The following DCAF11 variants were observed in gnomAD, a reference collection of about 807,000 sequenced individuals.
DCAF11 encodes the protein DDB1 and CUL4 associated factor 11.
Under a neutral mutation model 76.1 loss-of-function variants are expected in DCAF11, and 44 were observed. The observed-to-expected ratio is 0.58, with a 90% CI of 0.45 to 0.74. The LOEUF is 0.74. DCAF11 is among the 30% of genes least tolerant of loss of function. The probability of loss-of-function intolerance (pLI) is 0.00; values close to 1 mark genes in which losing one functional copy is unlikely to be tolerated. For synonymous variants in DCAF11, 258 were observed against 255.0 expected, an observed-to-expected ratio of 1.01 and a Z score of -0.11; for missense variants, 604 against 709.4, an observed-to-expected ratio of 0.85 and a Z score of 1.69.
rs760313062 is a variant in DCAF11, at chr14:24,123,069, A to G, written c.1498A>G (p.Ser500Gly). ...SWHPFEEKIV[S>G]SSWDGNLRLW... ...GCACCCCTTTGAAGAGAAGATTGTCAGCAGTTCGGTGAGGTTGCAAGGGTT... is the reference window on the plus strand; with the variant it reads ...GCACCCCTTTGAAGAGAAGATTGTCGGCAGTTCGGTGAGGTTGCAAGGGTT... The change falls in exon 14 of 15, where the codon AGC becomes GGC. Residue 500 changes from serine (S) to glycine (G), a missense_variant. Coordinates refer to ENST00000446197, the MANE Select transcript of DCAF11 (RefSeq NM_025230.5). 17 of 1,614,034 alleles carry G rather than the reference A, an allele frequency of 1.1e-5. No homozygotes were observed. Among genetic ancestry groups the G allele is most frequent in the Non-Finnish European group, 2.5e-6 (3 of 1,180,046 alleles).
rs1217360797 is a variant in DCAF11 at position 24,119,697 on chromosome 14, T to C, written c.907-14T>C. On this transcript the variant is annotated splice_polypyrimidine_tract_variant and intron_variant, in intron 10 of 14. Coordinates refer to ENST00000446197, the MANE Select transcript of DCAF11 (RefSeq NM_025230.5). ...TAGAAAGAGGTCTTATATCCTGGCC[T>C]CCTTTTCGCCTAGATTGAGTCCCAT... 2.5e-6 allele frequency: 4 copies of C among 1,614,200 alleles called. No homozygotes were observed. The highest frequency in any genetic ancestry group is 3.4e-6 in the Non-Finnish European group (4 of 1,180,012).
intron 11 of DCAF11, among the ~76,000 whole-genome samples, chr14:24,120,103 A>T (rs1444079155): frequency 6.6e-6 from 1 of 152,224 alleles, no homozygotes; most frequent in Non-Finnish European, 1.5e-5. Flanking sequence ...GGCTTTCCGT[A>T]CAAGAAAAAT....
At position 24,115,750 on chromosome 14, in the gene DCAF11, G is replaced by T; in HGVS notation, c.155+1G>T. On this transcript the variant is annotated splice_donor_variant, in intron 2 of 14. Transcript: ENST00000446197. LOFTEE classifies it high-confidence loss of function. ...AGGTACTGGCCTATCTCCTCCGCAG[G>T]TAACTTACCCTCTGGTGTGACCCCC... 1 of 1,611,596 alleles carries T rather than the reference G, an allele frequency of 6.2e-7. No homozygotes were observed. The highest frequency in any genetic ancestry group is 8.5e-7 in the Non-Finnish European group (1 of 1,178,684).
At position 24,117,738 on chromosome 14, in the gene DCAF11, T is replaced by C. The variant is rs772192943; in HGVS notation, c.476+6T>C. The C allele has an allele frequency of 1.2e-6, 2 of 1,613,624 alleles. No individual in the cohort carries two copies. Among genetic ancestry groups the C allele is most frequent in the South Asian group, 2.2e-5 (2 of 91,064 alleles). ...CAGTCTCGAGTGATATCTCAGTGAG[T>C]ATGGGGCTTGGTGAAGAGACTCTAA... On this transcript the variant is annotated splice_donor_region_variant and intron_variant, in intron 5 of 14. Transcript: ENST00000446197. The surrounding 1 kb of genome is among the most constrained non-coding windows in gnomAD (Gnocchi z 4.3).
rs767791856 is a variant in DCAF11 at position 24,118,470 on chromosome 14, C to T, written c.660C>T (p.Ser220=). 5.6e-6 allele frequency: 9 copies of T among 1,614,088 alleles called. No homozygotes were observed. Among genetic ancestry groups the T allele is most frequent in the East Asian group, 4.5e-5 (2 of 44,896 alleles). ...TCAAGGCCCGCGACGTAGGCTGGAG[C>T]GTCTTGGATGTGGCCTTCACCCCTG... ...KSIKARDVGW[S]VLDVAFTPDG... The change falls in exon 7 of 15, where the codon AGC becomes AGT. Residue 220 remains serine, a synonymous_variant. Coordinates refer to ENST00000446197, the MANE Select transcript of DCAF11 (RefSeq NM_025230.5).
intron 12 of DCAF11, 152 bp downstream of exon 12, chr14:24,121,143 G>A (rs1035993273): frequency 2.4e-5 from 30 of 1,257,722 alleles, no homozygotes; most frequent in African/African-American, 1.5e-5. Context: ...GCCTGGGTGG[G>A]GGTCACTCAG....
In DCAF11 at chr14:24,115,649, G is replaced by A; in HGVS notation, c.55G>A (p.Gly19Ser). 1 of 1,614,024 alleles carries A rather than the reference G, an allele frequency of 6.2e-7. No homozygotes were observed. The highest frequency in any genetic ancestry group is 8.5e-7 in the Non-Finnish European group (1 of 1,179,976). The change falls in exon 2 of 15, where the codon GGC becomes AGC. Residue 19 changes from glycine to serine, a missense_variant. Transcript: ENST00000446197. ...AGSGSGDPSEGLPRRGAGLRR... is the reference protein window; with the variant it reads ...AGSGSGDPSESLPRRGAGLRR... ...ATCCGGGTCCGGAGACCCCTCCGAG[G>A]GCTTGCCCCGAAGAGGGGCTGGCCT... is the stretch of plus-strand genomic sequence containing the variant.
chr14:24,119,598 G>C lies in DCAF11; in HGVS notation c.888G>C (p.Gln296His). 1 of 1,614,214 alleles carries C rather than the reference G, an allele frequency of 6.2e-7. No homozygotes were observed. Among genetic ancestry groups the C allele is most frequent in the East Asian group, 2.2e-5 (1 of 44,886 alleles). Reference sequence around the variant, plus strand: ...GCCTGTATGTCTTTGACCGAGAACAGAACCGGCGCACCCTTCAGGTATGGC... The same window carrying C: ...GCCTGTATGTCTTTGACCGAGAACACAACCGGCGCACCCTTCAGGTATGGC... Reference protein sequence around the residue: ...DGCLYVFDREQNRRTLQIESH... With the variant: ...DGCLYVFDREHNRRTLQIESH... Residue 296 changes from glutamine to histidine, a missense_variant, in exon 10 of 15, where the codon CAG becomes CAC. Coordinates refer to ENST00000446197, the MANE Select transcript of DCAF11 (RefSeq NM_025230.5).
At position 24,117,437 on chromosome 14, in the gene DCAF11, C is replaced by G; in HGVS notation, c.411+44C>G. The G allele has an allele frequency of 6.2e-7, 1 of 1,609,370 alleles. No individual in the cohort carries two copies. On this transcript the variant is annotated intron_variant, in intron 4 of 14. Coordinates refer to ENST00000446197, the MANE Select transcript of DCAF11 (RefSeq NM_025230.5). This position sits in a 1 kb window ranked among gnomAD's most constrained non-coding sequence, Gnocchi z 4.3. ...CAGCCTGGCAGCAGGCCTGCCAAAGCAGCCAGAAGCTCTGCCAGCCCCAGA... is the reference window on the plus strand; with the variant it reads ...CAGCCTGGCAGCAGGCCTGCCAAAGGAGCCAGAAGCTCTGCCAGCCCCAGA...
chr14:24,118,330 A>G (rs2037621074), intron 6 of DCAF11, 58 bp from the exon 7 acceptor site: 5 of 1,609,708 alleles, frequency 3.1e-6, no homozygotes, highest in Non-Finnish European at 3.4e-6. Context: ...GAGATGTCTA[A>G]TCTAGAAAAG....
chr14:24,119,317 C>G, intron 9 of DCAF11, 104 bp downstream of exon 9: 1 of 1,450,822 alleles, frequency 6.9e-7, no homozygotes, highest in South Asian at 1.2e-5. Flanking sequence ...AGAGAACAAC[C>G]AGACCTTCTC....
intron 12 of DCAF11, 93 bp from the exon 13 acceptor site, chr14:24,121,272 T>C: frequency 1.3e-6 from 2 of 1,515,186 alleles, no homozygotes; most frequent in Middle Eastern, 3.5e-4. Context: ...AAGGCATTTG[T>C]CTCTGGGCAT....
chr14:24,118,961 G>C, intron 8 of DCAF11, 157 bp downstream of exon 8: 2 of 1,129,184 alleles, frequency 1.8e-6, no homozygotes, highest in Non-Finnish European at 2.6e-6. Context: ...GTCAGCCAGA[G>C]GACTGGGTAA....
Position 24,115,091 on chromosome 14 carries a change from C to T in DCAF11, c.-416C>T, listed in dbSNP as rs1210580871. 3.3e-6 allele frequency: 3 copies of T among 907,708 alleles called. No individual in the cohort carries two copies. Among genetic ancestry groups the T allele is most frequent in the African/African-American group, 1.8e-5 (1 of 55,712 alleles). The allele number at this position is 907,708 out of a possible 1,614,324, so 56.2% of individuals were successfully genotyped here. A position where few individuals can be genotyped will look rare whatever the true frequency, so the allele number is the denominator to read the frequency against. On this transcript the variant is annotated 5_prime_UTR_variant, in exon 1 of 15. Transcript: ENST00000446197. Reference sequence around the variant, plus strand: ...TTCATTGGCTGTCACTGCTGCCGGCCTTTGTAAGGGGGCGCTCTGATTGGT... The same window carrying T: ...TTCATTGGCTGTCACTGCTGCCGGCTTTTGTAAGGGGGCGCTCTGATTGGT...
In DCAF11 at chr14:24,121,326, G is replaced by C. The variant is rs1406630610; in HGVS notation, c.1247-39G>C. On this transcript the variant is annotated intron_variant, in intron 12 of 14. Transcript: ENST00000446197. ...GGTGGTACGAAACAATCCCAAAGCAGATTTCCTAACCTAGGGTTTACTCTG... is the reference window on the plus strand; with the variant it reads ...GGTGGTACGAAACAATCCCAAAGCACATTTCCTAACCTAGGGTTTACTCTG... The C allele has an allele frequency of 7.4e-6, 12 of 1,612,362 alleles. No homozygotes were observed. In the South Asian group the frequency reaches 1.1e-4, roughly 15 times the overall value.
rs1566592238 is a variant in DCAF11 at position 24,118,745 on chromosome 14, C to T, written c.725-5C>T. The T allele has an allele frequency of 6.2e-7, 1 of 1,614,020 alleles. No individual in the cohort carries two copies. Among genetic ancestry groups the T allele is most frequent in the Non-Finnish European group, 8.5e-7 (1 of 1,179,966 alleles). On this transcript the variant is annotated splice_region_variant and splice_polypyrimidine_tract_variant and intron_variant, in intron 7 of 14. Transcript: ENST00000446197. ...AAAGATTCTTGTTTTTCTTGCTTCTCTTAGTTCATATCTGCAATATCTATG... is the reference window on the plus strand; with the variant it reads ...AAAGATTCTTGTTTTTCTTGCTTCTTTTAGTTCATATCTGCAATATCTATG...
Position 24,119,560 on chromosome 14 carries a change from G to A in DCAF11, c.850G>A (p.Ala284Thr). 2 of 1,614,154 alleles carry A rather than the reference G, an allele frequency of 1.2e-6. No individual in the cohort carries two copies. Among genetic ancestry groups the A allele is most frequent in the Non-Finnish European group, 1.7e-6 (2 of 1,180,024 alleles). ...CCTCCTTTATCCCTTCCCTTTCAGG[G>A]CCAATGATGGCTGCCTGTATGTCTT... is the stretch of plus-strand genomic sequence containing the variant. ...SSDGREVLGG[A>T]NDGCLYVFDR... Residue 284 changes from alanine to threonine, a missense_variant and splice_region_variant, in exon 10 of 15, where the codon GCC becomes ACC. By Grantham distance (58) the Ala-to-Thr change is moderately conservative. Transcript: ENST00000446197.
chr14:24,121,863 C>T (rs879420888), intron 13 of DCAF11: 3 of 221,722 alleles, frequency 1.4e-5, no homozygotes, highest in African/African-American at 4.5e-5. Context: ...GACATGCAGT[C>T]GCTAAAGCAG....
At chr14:24,122,759 T>C (rs904070698) in intron 13 of DCAF11, among the ~76,000 whole-genome samples, 3 of 152,182 alleles carry the variant, frequency 2.0e-5, no homozygotes, top group African/African-American at 7.2e-5. Context: ...GGGCCAGACA[T>C]ACCCACACCA....
Sources: allele counts gnomAD v4.1 joint callset (sites outside exome capture counted in the v4.1 genomes callset), GRCh38; gene constraint gnomAD v4.1.1; non-coding constraint Gnocchi (gnomAD v3.1); transcripts MANE v1.5; gene names NCBI Gene and HGNC (gene_info 2026-07-23, HGNC 2026-07-21).